The following L3MBTL4 variants were observed in gnomAD, a reference collection of about 807,000 sequenced individuals.
L3MBTL4 encodes L3MBTL histone methyl-lysine binding protein 4.
L3MBTL4 carries 70 observed loss-of-function variants against 84.5 expected under a neutral mutation model. That is an observed-to-expected ratio of 0.83 (90% CI 0.68 to 1.01). The LOEUF is 1.01. Ranked by LOEUF, L3MBTL4 falls within the 50% of genes least tolerant of loss-of-function variation. The pLI, the probability that L3MBTL4 is intolerant of heterozygous loss-of-function variation, is 0.00. For synonymous variants in L3MBTL4, 274 were observed against 259.8 expected (o/e 1.05, Z -0.52); for missense variants, 715 against 754.8 (o/e 0.95, Z 0.62).
intron 12 of L3MBTL4, among the ~76,000 whole-genome samples, chr18:6,206,351 T>C (rs1440559492): frequency 6.6e-6 from 1 of 152,154 alleles, no homozygotes; most frequent in East Asian, 1.9e-4. Context: ...ATTTAAGAAG[T>C]TTCTACACAG....
chr18:6,142,992 T>C (rs2060243551), intron 13 of L3MBTL4, among the ~76,000 whole-genome samples: 1 of 152,176 alleles, frequency 6.6e-6, no homozygotes, highest in African/African-American at 2.4e-5. Context: ...AACAGTTTTC[T>C]CTAAACTGCA....
At chr18:6,209,955 T>C (rs2046034545) in intron 12 of L3MBTL4, among the ~76,000 whole-genome samples, 1 of 152,130 alleles carries the variant, frequency 6.6e-6, no homozygotes, top group South Asian at 2.1e-4. Flanking sequence ...ATAGACACTA[T>C]GGAAAGTAGA....
intron 16 of L3MBTL4, among the ~76,000 whole-genome samples, chr18:6,034,570 C>A (rs2056016779): frequency 6.6e-6 from 1 of 152,078 alleles, no homozygotes; most frequent in Admixed American, 6.5e-5. Flanking sequence ...GGGTTGGTTC[C>A]AAGTCTTTGC....
rs534599092 is a variant in L3MBTL4 at position 6,144,025 on chromosome 18, G to A, written c.1097-5729C>T. 2.4e-3 allele frequency among the ~76,000 whole-genome samples: 361 copies of A among 151,912 alleles called. 2 individuals carry two copies. Among genetic ancestry groups the A allele is most frequent in the African/African-American group, 7.9e-3 (326 of 41,456 alleles). Reference sequence around the variant, plus strand: ...ATCCTGGCTAACACGGTGAAACCCCGTCTCTACTAAAAATACAAAGAATTG... The same window carrying A: ...ATCCTGGCTAACACGGTGAAACCCCATCTCTACTAAAAATACAAAGAATTG... On this transcript the variant is annotated intron_variant, in intron 13 of 18. Coordinates refer to ENST00000317931, the MANE Select transcript of L3MBTL4 (RefSeq NM_001330559.2).
chr18:6,132,188 C>T (rs1298593032), intron 14 of L3MBTL4, among the ~76,000 whole-genome samples: 1 of 152,094 alleles, frequency 6.6e-6, no homozygotes, highest in Non-Finnish European at 1.5e-5. Context: ...AATTTGTTTG[C>T]ATTTCCTTTC....
At chr18:6,201,883 T>C (rs1242148262) in intron 12 of L3MBTL4, among the ~76,000 whole-genome samples, 1 of 152,158 alleles carries the variant, frequency 6.6e-6, no homozygotes, top group Admixed American at 6.5e-5. Context: ...ATATAATGTA[T>C]CCCAAAAAAG....
chr18:6,218,435 T>C (rs2046414658), intron 10 of L3MBTL4, among the ~76,000 whole-genome samples: 1 of 152,120 alleles, frequency 6.6e-6, no homozygotes, highest in Admixed American at 6.5e-5. Flanking sequence ...CCAGTACATA[T>C]GGTTGGATAG....
At chr18:6,038,858 G>C (rs1272899370) in intron 16 of L3MBTL4, among the ~76,000 whole-genome samples, 1 of 152,032 alleles carries the variant, frequency 6.6e-6, no homozygotes, top group Non-Finnish European at 1.5e-5. Context: ...TTCATATGGT[G>C]AAATCTTAAC....
intron 16 of L3MBTL4, among the ~76,000 whole-genome samples, chr18:6,065,366 G>T (rs139907951): frequency 6.6e-6 from 1 of 152,078 alleles, no homozygotes; most frequent in African/African-American, 2.4e-5. Flanking sequence ...TGGCTTCATA[G>T]AATGATTTAG....
At chr18:6,318,745 A>G (rs1301287169) in intron 1 of L3MBTL4, among the ~76,000 whole-genome samples, 1 of 151,998 alleles carries the variant, frequency 6.6e-6, no homozygotes, top group African/African-American at 2.4e-5. Flanking sequence ...TCAACAAGGA[A>G]GCAATGAAAT....
chr18:6,023,153 G>A (rs1230878731), intron 16 of L3MBTL4, among the ~76,000 whole-genome samples: 4 of 152,214 alleles, frequency 2.6e-5, no homozygotes, highest in South Asian at 2.1e-4. Flanking sequence ...CAGTAAAGGC[G>A]TGGCTATACT....
At chr18:5,957,811 A>G (rs1390055461) in intron 18 of L3MBTL4, among the ~76,000 whole-genome samples, 1 of 151,734 alleles carries the variant, frequency 6.6e-6, no homozygotes, top group East Asian at 1.9e-4. Context: ...TCTACTGAAA[A>G]TACAAAAATT....
chr18:6,210,264 CCA>C (rs2046047938), intron 12 of L3MBTL4, among the ~76,000 whole-genome samples: 1 of 152,296 alleles, frequency 6.6e-6, no homozygotes, highest in East Asian at 1.9e-4. Context: ...ACTGCCAGTA[CCA>C]CACAGGACCC....
At chr18:6,309,776 G>A (rs182060221) in intron 3 of L3MBTL4, among the ~76,000 whole-genome samples, 2 of 152,130 alleles carry the variant, frequency 1.3e-5, no homozygotes, top group African/African-American at 4.8e-5. Flanking sequence ...CTAAGATAGG[G>A]GGGTAACAAT....
intron 18 of L3MBTL4, among the ~76,000 whole-genome samples, chr18:5,959,197 T>C (rs1174993873): frequency 6.6e-6 from 1 of 152,196 alleles, no homozygotes; most frequent in South Asian, 2.1e-4. Flanking sequence ...AGGATGGTTT[T>C]CTTGGAAAGT....
intron 15 of L3MBTL4, among the ~76,000 whole-genome samples, chr18:6,091,008 C>A (rs2058437060): frequency 6.6e-6 from 1 of 151,968 alleles, no homozygotes; most frequent in South Asian, 2.1e-4. Context: ...GGACAGCAGC[C>A]AAGTAAAAGT....
chr18:6,271,626 C>T (rs952947792), intron 4 of L3MBTL4, among the ~76,000 whole-genome samples: 1 of 152,184 alleles, frequency 6.6e-6, no homozygotes, highest in Non-Finnish European at 1.5e-5. Flanking sequence ...AAAAAACACA[C>T]ATTCTTAGCA....
intron 16 of L3MBTL4, among the ~76,000 whole-genome samples, chr18:6,032,446 G>A (rs898427636): frequency 1.3e-5 from 2 of 151,518 alleles, no homozygotes; most frequent in African/African-American, 4.9e-5. Context: ...AGGTCGAGGG[G>A]GGCAGAACTG....
At chr18:6,113,242 G>A (rs1345879620) in intron 14 of L3MBTL4, among the ~76,000 whole-genome samples, 1 of 152,062 alleles carries the variant, frequency 6.6e-6, no homozygotes, top group Non-Finnish European at 1.5e-5. Flanking sequence ...TAGTCTTCAT[G>A]TTTTGTAGGC....
Sources: allele counts gnomAD v4.1 joint callset (sites outside exome capture counted in the v4.1 genomes callset), GRCh38; gene constraint gnomAD v4.1.1; transcripts MANE v1.5; gene names NCBI Gene and HGNC (gene_info 2026-07-23, HGNC 2026-07-21).